The following EVI5 variants were observed in gnomAD, a reference collection of about 807,000 sequenced individuals.
EVI5 encodes ecotropic viral integration site 5 protein homolog.
A neutral mutation model predicts 112.0 loss-of-function variants in EVI5; 73 were observed. That is an observed-to-expected ratio of 0.65 (90% CI 0.54 to 0.79). The LOEUF is 0.79. EVI5 is among the 30% of genes least tolerant of loss of function. The probability of loss-of-function intolerance (pLI) is 0.00; values close to 1 mark genes in which losing one functional copy is unlikely to be tolerated. For missense variants in EVI5, 900 were observed against 968.8 expected, an observed-to-expected ratio of 0.93 and a Z score of 0.94; for synonymous variants, 305 against 319.9, an observed-to-expected ratio of 0.95 and a Z score of 0.50.
intron 16 of EVI5, among the ~76,000 whole-genome samples, chr1:92,622,563 T>C (rs1654826270): frequency 6.6e-6 from 1 of 152,254 alleles, no homozygotes. Context: ...TGTATAAACA[T>C]GGACAAATTT....
intron 18 of EVI5, among the ~76,000 whole-genome samples, chr1:92,590,693 G>C (rs1439692753): frequency 6.6e-6 from 1 of 152,158 alleles, no homozygotes; most frequent in African/African-American, 2.4e-5. Flanking sequence ...CACTCTGCAG[G>C]ATACTATCCA....
At position 92,513,789 on chromosome 1, in the gene EVI5, G is replaced by A; in HGVS notation, c.2348C>T (p.Ser783Phe). The A allele has an allele frequency of 6.2e-7, 1 of 1,613,478 alleles. No individual in the cohort carries two copies. Among genetic ancestry groups the A allele is most frequent in the Non-Finnish European group, 8.5e-7 (1 of 1,179,852 alleles). Residue 783 changes from serine (S) to phenylalanine (F), a missense_variant, in exon 20 of 20, where the codon TCT (serine) becomes TTT (phenylalanine). Ser to Phe is a radical substitution (Grantham distance 155). Transcript: ENST00000684568. ...ACCATCTGCCACTGCGGGGTCCAAA[G>A]ACATCGAACCAGATTTTCCGTGCAA... is the stretch of plus-strand genomic sequence containing the variant. ...FPLHGKSGSM[S>F]LDPAVADGSE...
At chr1:92,660,677 C>A (rs1190023442) in intron 13 of EVI5, among the ~76,000 whole-genome samples, 4 of 151,738 alleles carry the variant, frequency 2.6e-5, no homozygotes, top group Admixed American at 6.6e-5. Flanking sequence ...CAAAAATCAT[C>A]AAAAAAGTGA....
chr1:92,534,531 T>C (rs1416385182), intron 19 of EVI5, among the ~76,000 whole-genome samples: 1 of 152,064 alleles, frequency 6.6e-6, no homozygotes, highest in African/African-American at 2.4e-5. Flanking sequence ...CTTCAAACTA[T>C]ACTACAAGGC....
intron 9 of EVI5, among the ~76,000 whole-genome samples, chr1:92,680,110 T>A (rs1053482573): frequency 6.6e-6 from 1 of 152,216 alleles, no homozygotes; most frequent in African/African-American, 2.4e-5. Context: ...CTATACACTA[T>A]TAACAGAGTG....
intron 2 of EVI5, chr1:92,713,992 C>T: frequency 2.0e-6 from 2 of 977,188 alleles, no homozygotes; most frequent in Non-Finnish European, 2.4e-6. Flanking sequence ...ATACTTGAGA[C>T]TTACCTCCAT....
Position 92,563,656 on chromosome 1 carries a change from C to T in EVI5, c.2152G>A (p.Glu718Lys). ...TTATCACTTACCTCATGATTCAGCT[C>T]TGCTATCTGATCTTTCAGTTCCCCA... Reference protein sequence around the residue: ...YIGELKDQIAELNHELRCLKG... With the variant: ...YIGELKDQIAKLNHELRCLKG... The change falls in exon 19 of 20, where the codon GAG (glutamate) becomes AAG (lysine). Residue 718 changes from glutamate to lysine, a missense_variant. Glu to Lys is a moderately conservative substitution (Grantham distance 56, BLOSUM62 1). Transcript: ENST00000684568. 1 of 1,584,832 alleles carries T rather than the reference C, an allele frequency of 6.3e-7. No homozygotes were observed. Among genetic ancestry groups the T allele is most frequent in the South Asian group, 1.1e-5 (1 of 88,810 alleles).
intron 18 of EVI5, among the ~76,000 whole-genome samples, chr1:92,604,904 T>C (rs1043217606): frequency 6.6e-6 from 1 of 152,198 alleles, no homozygotes; most frequent in African/African-American, 2.4e-5. Flanking sequence ...ATGCAGCATA[T>C]GACTGTATTG....
chr1:92,759,861 C>A (rs991242514), intron 1 of EVI5, among the ~76,000 whole-genome samples: 6 of 141,438 alleles, frequency 4.2e-5, no homozygotes, highest in Admixed American at 7.2e-5. Flanking sequence ...AAATACCCTC[C>A]CCCCCACATA....
chr1:92,555,777 G>A (rs1667577570), intron 19 of EVI5, among the ~76,000 whole-genome samples: 3 of 149,690 alleles, frequency 2.0e-5, no homozygotes, highest in Admixed American at 1.3e-4. Flanking sequence ...TCGAACCCAG[G>A]AGGTGGAGGT....
chr1:92,789,762 A>G (rs1685949676), upstream of EVI5, among the ~76,000 whole-genome samples: 1 of 152,206 alleles, frequency 6.6e-6, no homozygotes, highest in South Asian at 2.1e-4. Flanking sequence ...TAAACTGCCA[A>G]AGGTGTTTAA....
At chr1:92,541,058 A>G (rs1664721770) in intron 19 of EVI5, among the ~76,000 whole-genome samples, 1 of 152,324 alleles carries the variant, frequency 6.6e-6, no homozygotes, top group South Asian at 2.1e-4. Flanking sequence ...TGAGTGACAG[A>G]GAAAGACTCT....
rs72964760 is a variant in EVI5, at chr1:92,579,606, T to C, written c.2071-15869A>G. Among the ~76,000 whole-genome samples, 422 of 152,352 alleles carry C rather than the reference T, an allele frequency of 2.8e-3. 1 individual carries two copies. The highest frequency in any genetic ancestry group is 9.1e-3 in the African/African-American group (377 of 41,578). The stretch of plus-strand genomic sequence containing the variant: ...CAGTTATTAATAGCCATTTTTCCCC[T>C]CTGTATACATTTCTCCATTACTATT... On this transcript the variant is annotated intron_variant, in intron 18 of 19. Transcript: ENST00000684568.
At position 92,565,650 on chromosome 1, in the gene EVI5, T is replaced by C. The variant is rs561578125; in HGVS notation, c.2071-1913A>G. Among the ~76,000 whole-genome samples, 3 of 152,058 alleles carry C rather than the reference T, an allele frequency of 2.0e-5. No homozygotes were observed. In the East Asian group the frequency reaches 5.8e-4, roughly 29 times the overall value. On this transcript the variant is annotated intron_variant, in intron 18 of 19. Coordinates refer to ENST00000684568, the MANE Select transcript of EVI5 (RefSeq NM_001350197.2). ...TCCTACATACTGTATACTAACATCA[T>C]TGGCAGGAAGTACCAAATAGAACTG... is the stretch of plus-strand genomic sequence containing the variant.
At chr1:92,714,114 T>C (rs989530622) in intron 2 of EVI5, 1 of 980,900 alleles carries the variant, frequency 1.0e-6, no homozygotes, top group Non-Finnish European at 1.2e-6. Context: ...CTATCAATTA[T>C]TAACTTTCAT....
chr1:92,604,557 G>T (rs1277266155), intron 18 of EVI5, among the ~76,000 whole-genome samples: 1 of 152,066 alleles, frequency 6.6e-6, no homozygotes, highest in Non-Finnish European at 1.5e-5. Context: ...ATCTGAGACT[G>T]TCTTAGAGTT....
At chr1:92,557,207 AT>A (rs1571519532) in intron 19 of EVI5, among the ~76,000 whole-genome samples, 2 of 151,984 alleles carry the variant, frequency 1.3e-5, no homozygotes, top group Non-Finnish European at 2.9e-5. Context: ...CCTGAGTTTT[AT>A]TTTGTTTATA....
At chr1:92,666,072 T>C (rs1306921415) in intron 10 of EVI5, 80 bp from the exon 11 acceptor site, 2 of 829,964 alleles carry the variant, frequency 2.4e-6, no homozygotes, top group Admixed American at 2.3e-5. Context: ...CCTGAAAATG[T>C]ATCACCTTTT....
At chr1:92,639,292 CT>C (rs1229388595) in intron 13 of EVI5, among the ~76,000 whole-genome samples, 10 of 151,818 alleles carry the variant, frequency 6.6e-5, no homozygotes, top group Non-Finnish European at 1.3e-4. Context: ...CTCAGTAATC[CT>C]TTTTGCTTGT....
Sources: gnomAD v4.1 joint callset for allele counts (sites outside exome capture counted in the v4.1 genomes callset) on GRCh38, gnomAD v4.1.1 for gene constraint, MANE v1.5 for transcripts, NCBI Gene and HGNC (gene_info 2026-07-23, HGNC 2026-07-21) for gene names.